Variants in FASLG observed in about 807,000 individuals in gnomAD.
The protein encoded by FASLG is tumor necrosis factor ligand superfamily member 6.
A neutral mutation model predicts 24.6 loss-of-function variants in FASLG; 9 were observed. The ratio of observed to expected loss-of-function variants is 0.37; its 90% CI spans 0.22 to 0.64. The LOEUF (loss-of-function observed/expected upper bound fraction) is 0.64, where lower values mean the gene tolerates loss of function less well. Among genes scored for constraint, FASLG ranks in the 30% least tolerant of loss-of-function variants. FASLG has a pLI of 0.64. For missense variants in FASLG, 306 were observed against 345.3 expected, an observed-to-expected ratio of 0.89 and a Z score of 0.90; for synonymous variants, 130 against 135.5, an observed-to-expected ratio of 0.96 and a Z score of 0.28.
Position 172,665,964 on chromosome 1 carries a change from C to T in FASLG, c.794C>T (p.Ser265Phe), listed in dbSNP as rs1188616579. 2 of 1,614,008 alleles carry T rather than the reference C, an allele frequency of 1.2e-6. No individual in the cohort carries two copies. The highest frequency in any genetic ancestry group is 1.7e-5 in the Admixed American group (1 of 60,006). The change falls in exon 4 of 4, where the codon TCT becomes TTT. Residue 265 changes from serine to phenylalanine, a missense_variant. Transcript: ENST00000367721. ...DHLYVNVSEL[S>F]LVNFEESQTF... ...TTATATGTCAACGTATCTGAGCTCT[C>T]TCTGGTCAATTTTGAGGAATCTCAG...
In FASLG at chr1:172,666,185, A is replaced by G; in HGVS notation, c.*169A>G. On this transcript the variant is annotated 3_prime_UTR_variant, in exon 4 of 4. Transcript: ENST00000367721. ...ATGTCTGTAGCTCCTCAACTCACCT[A>G]ATGTTTATGAGCCAGACAAATGGAG... 1 of 700,148 alleles carries G rather than the reference A, an allele frequency of 1.4e-6. No homozygotes were observed. The highest frequency in any genetic ancestry group is 2.4e-6 in the Non-Finnish European group (1 of 419,532). 43.4% of individuals were successfully genotyped at this position (700,148 alleles called of 1,614,324 possible). A position where few individuals can be genotyped will look rare whatever the true frequency, so the allele number is the denominator to read the frequency against.
Position 172,659,477 on chromosome 1 carries a change from T to C in FASLG, c.276T>C (p.Val92=). 1 of 1,614,064 alleles carries C rather than the reference T, an allele frequency of 6.2e-7. No individual in the cohort carries two copies. Residue 92 remains valine, a synonymous_variant, in exon 1 of 4, where the codon GTT becomes GTC. Coordinates refer to ENST00000367721, the MANE Select transcript of FASLG (RefSeq NM_000639.3). ...TTGTGATGTTTTTCATGGTTCTGGT[T>C]GCCTTGGTAGGATTGGGCCTGGGGA... ...CLLVMFFMVL[V]ALVGLGLGMF...
intron 2 of FASLG, among the ~76,000 whole-genome samples, chr1:172,662,530 T>TA (rs1659165429): frequency 6.6e-6 from 1 of 151,934 alleles, no homozygotes; most frequent in African/African-American, 2.4e-5. Flanking sequence ...AAAGTTGTAC[T>TA]AAGTACAACC....
intron 2 of FASLG, among the ~76,000 whole-genome samples, chr1:172,660,634 A>G (rs1356965169): frequency 2.0e-5 from 3 of 152,270 alleles, no homozygotes; most frequent in Non-Finnish European, 4.4e-5. Flanking sequence ...CTTTTAAAAC[A>G]TGGATAATCA....
chr1:172,660,234 T>G, intron 2 of FASLG, 94 bp downstream of exon 2: 2 of 1,281,250 alleles, frequency 1.6e-6, no homozygotes, highest in Non-Finnish European at 2.3e-6. Context: ...TCCCACACTT[T>G]GGTTTCTGTA....
intron 2 of FASLG, among the ~76,000 whole-genome samples, chr1:172,660,740 G>A (rs1313836654): frequency 6.6e-6 from 1 of 152,176 alleles, no homozygotes; most frequent in Non-Finnish European, 1.5e-5. Flanking sequence ...CACCCACAGA[G>A]GCAGTCATGA....
In FASLG at chr1:172,664,742, G is replaced by C. The variant is rs145732182; in HGVS notation, c.451+352G>C. Among the ~76,000 whole-genome samples the C allele has an allele frequency of 7.2e-5, 11 of 152,324 alleles. No individual in the cohort carries two copies. The East Asian group carries it at 2.1e-3, about 29-fold the overall frequency. On this transcript the variant is annotated intron_variant, in intron 3 of 3. Transcript: ENST00000367721. ...GAGGAATGAGGACTTATTTTAGTCA[G>C]TGCTTTCTTGGTTTTCTGGAAGAGC... is the stretch of plus-strand genomic sequence containing the variant.
At chr1:172,662,153 C>T (rs1659156472) in intron 2 of FASLG, among the ~76,000 whole-genome samples, 1 of 151,754 alleles carries the variant, frequency 6.6e-6, no homozygotes, top group Non-Finnish European at 1.5e-5. Context: ...GGATTGTGCA[C>T]TCTGTATTGT....
chr1:172,659,335 C>T lies in FASLG; in HGVS notation c.134C>T (p.Pro45Leu). Residue 45 changes from proline (P) to leucine (L), a missense_variant, in exon 1 of 4, where the codon CCA (proline) becomes CTA (leucine). Pro to Leu is a moderately conservative substitution (Grantham distance 98, BLOSUM62 -3). Transcript: ENST00000367721. ...SVPRRPGQRRPPPPPPPPPLP... is the reference protein window; with the variant it reads ...SVPRRPGQRRLPPPPPPPPLP... ...CCCAGAAGGCCTGGTCAAAGGAGGC[C>T]ACCACCACCACCGCCACCGCCACCA... 6.2e-7 allele frequency: 1 copy of T among 1,611,204 alleles called. No homozygotes were observed. Among genetic ancestry groups the T allele is most frequent in the Non-Finnish European group, 8.5e-7 (1 of 1,178,938 alleles).
chr1:172,659,960 G>A (rs1307228457), intron 1 of FASLG, 135 bp from the exon 2 acceptor site: 2 of 966,704 alleles, frequency 2.1e-6, no homozygotes, highest in Non-Finnish European at 3.1e-6. Flanking sequence ...AAATTGCTTG[G>A]CCAAAGCCCA....
Position 172,660,205 on chromosome 1 carries a change from T to C in FASLG, c.394+65T>C, listed in dbSNP as rs542518107. On this transcript the variant is annotated intron_variant, in intron 2 of 3. Coordinates refer to ENST00000367721, the MANE Select transcript of FASLG (RefSeq NM_000639.3). ...GATCCTCAGCACAGAACTATGTTAA[T>C]GGAATGCCTTAAATTCTGTCCCACA... 5 of 1,493,266 alleles carry C rather than the reference T, an allele frequency of 3.3e-6. No homozygotes were observed. The South Asian group carries it at 5.7e-5, about 17-fold the overall frequency. 92.5% of individuals were successfully genotyped at this position (1,493,266 alleles called of 1,614,324 possible).
Position 172,666,764 on chromosome 1 carries a change from T to C in FASLG, c.*748T>C, listed in dbSNP as rs903280788. 1.3e-5 allele frequency: 2 copies of C among 152,742 alleles called. No individual in the cohort carries two copies. Among genetic ancestry groups the C allele is most frequent in the African/African-American group, 4.8e-5 (2 of 41,454 alleles). The allele number at this position is 152,742 out of a possible 1,614,324, so 9.5% of individuals were successfully genotyped here. On this transcript the variant is annotated 3_prime_UTR_variant, in exon 4 of 4. Coordinates refer to ENST00000367721, the MANE Select transcript of FASLG (RefSeq NM_000639.3). ...CAACTCTAATAGTGCTTAAAAATCA[T>C]TGATTGTCAGCTACTAATGATGTTT...
In FASLG at chr1:172,659,183, G is replaced by T; in HGVS notation, c.-19G>T. 1 of 1,614,074 alleles carries T rather than the reference G, an allele frequency of 6.2e-7. No homozygotes were observed. Among genetic ancestry groups the T allele is most frequent in the South Asian group, 1.1e-5 (1 of 91,068 alleles). On this transcript the variant is annotated 5_prime_UTR_variant, in exon 1 of 4. Coordinates refer to ENST00000367721, the MANE Select transcript of FASLG (RefSeq NM_000639.3). ...GAAGTAAAACCGTTTGCTGGGGCTG[G>T]CCTGACTCACCAGCTGCCATGCAGC...
chr1:172,659,173 G>A lies in FASLG; in HGVS notation c.-29G>A, dbSNP rs1400402499. The A allele has an allele frequency of 6.2e-7, 1 of 1,614,012 alleles. No individual in the cohort carries two copies. Among genetic ancestry groups the A allele is most frequent in the South Asian group, 1.1e-5 (1 of 91,036 alleles). On this transcript the variant is annotated 5_prime_UTR_variant, in exon 1 of 4. Transcript: ENST00000367721. ...GGACTGAGAAGAAGTAAAACCGTTTGCTGGGGCTGGCCTGACTCACCAGCT... is the reference window on the plus strand; with the variant it reads ...GGACTGAGAAGAAGTAAAACCGTTTACTGGGGCTGGCCTGACTCACCAGCT...
rs1002046947 is a variant in FASLG at position 172,666,488 on chromosome 1, C to A, written c.*472C>A. ...GAGGCTGAAAGAGGCCAATGCCCCA[C>A]TGGCAGCATCTTCACTTCTAAATGC... On this transcript the variant is annotated 3_prime_UTR_variant, in exon 4 of 4. Coordinates refer to ENST00000367721, the MANE Select transcript of FASLG (RefSeq NM_000639.3). 2 of 162,984 alleles carry A rather than the reference C, an allele frequency of 1.2e-5. No individual in the cohort carries two copies. The highest frequency in any genetic ancestry group is 4.8e-5 in the African/African-American group (2 of 41,618). 10.1% of individuals were successfully genotyped at this position (162,984 alleles called of 1,614,324 possible). A position where few individuals can be genotyped will look rare whatever the true frequency, so the allele number is the denominator to read the frequency against.
intron 2 of FASLG, among the ~76,000 whole-genome samples, 190 bp downstream of exon 2, chr1:172,660,330 C>T (rs1476682660): frequency 6.6e-6 from 1 of 152,194 alleles, no homozygotes; most frequent in African/African-American, 2.4e-5. Flanking sequence ...AATTGAATTG[C>T]TCACAATCAA....
At chr1:172,665,407 T>TA (rs1409567689) in intron 3 of FASLG, among the ~76,000 whole-genome samples, 1 of 152,192 alleles carries the variant, frequency 6.6e-6, no homozygotes, top group African/African-American at 2.4e-5. Flanking sequence ...TACGGGTATA[T>TA]ACTATTGTTC....
In FASLG at chr1:172,665,665, C is replaced by A; in HGVS notation, c.495C>A (p.Thr165=). Residue 165 remains threonine (T), a synonymous_variant, in exon 4 of 4, where the codon ACC becomes ACA. Transcript: ENST00000367721. ...CCATGCCTCTGGAATGGGAAGACAC[C>A]TATGGAATTGTCCTGCTTTCTGGAG... ...SRSMPLEWED[T]YGIVLLSGVK... 3 of 1,614,144 alleles carry A rather than the reference C, an allele frequency of 1.9e-6. No individual in the cohort carries two copies. The highest frequency in any genetic ancestry group is 1.3e-5 in the African/African-American group (1 of 75,050).
chr1:172,664,022 G>T (rs1455957053), intron 2 of FASLG, among the ~76,000 whole-genome samples: 1 of 152,164 alleles, frequency 6.6e-6, no homozygotes, highest in Non-Finnish European at 1.5e-5. Context: ...TCAAAGGGTT[G>T]TGGTGAGTTC....
Sources: allele counts gnomAD v4.1 joint callset (sites outside exome capture counted in the v4.1 genomes callset), GRCh38; gene constraint gnomAD v4.1.1; transcripts MANE v1.5; gene names NCBI Gene and HGNC (gene_info 2026-07-23, HGNC 2026-07-21).